Variants in DNAJB6 observed in about 807,000 individuals in gnomAD.
DNAJB6 encodes dnaJ homolog subfamily B member 6.
DNAJB6 carries 16 observed loss-of-function variants against 42.7 expected under a neutral mutation model. The observed-to-expected ratio is 0.37, with a 90% CI of 0.25 to 0.57. DNAJB6 has a LOEUF of 0.57. Among genes scored for constraint, DNAJB6 ranks in the 20% least tolerant of loss-of-function variants. The pLI is 0.74. For missense variants in DNAJB6, 347 were observed against 416.8 expected (o/e 0.83, Z 1.46); for synonymous variants, 170 against 163.5 (o/e 1.04, Z -0.30).
At chr7:157,413,604 G>T (rs1796032834) in intron 9 of DNAJB6, 1 of 152,202 alleles carries the variant, frequency 6.6e-6, no homozygotes, top group Non-Finnish European at 1.5e-5. Context: ...CCCAAGGCTG[G>T]CGGTCCCACG....
chr7:157,400,140 C>CT (rs1208464655), intron 8 of DNAJB6, among the ~76,000 whole-genome samples: 4 of 152,150 alleles, frequency 2.6e-5, no homozygotes, highest in Non-Finnish European at 5.9e-5. Flanking sequence ...TTGGTTTTGC[C>CT]TTTTTTCGGT....
At chr7:157,342,463 G>C (rs571626033) in intron 1 of DNAJB6, among the ~76,000 whole-genome samples, 1 of 144,634 alleles carries the variant, frequency 6.9e-6, no homozygotes. Flanking sequence ...TCAGCCTCCC[G>C]AGTACATGGG....
At chr7:157,408,391 C>T (rs369951614) in intron 8 of DNAJB6, among the ~76,000 whole-genome samples, 37 of 152,334 alleles carry the variant, frequency 2.4e-4, no homozygotes, top group African/African-American at 8.7e-4. Context: ...ATTCCAGAAA[C>T]GATGGAGCCC....
At chr7:157,390,704 G>T (rs1381783367) in intron 8 of DNAJB6, among the ~76,000 whole-genome samples, 1 of 152,178 alleles carries the variant, frequency 6.6e-6, no homozygotes, top group East Asian at 1.9e-4. Flanking sequence ...CTTTTCCTCT[G>T]CCTTCCCACA....
At chr7:157,341,369 C>A (rs1376250320) in intron 1 of DNAJB6, among the ~76,000 whole-genome samples, 1 of 152,108 alleles carries the variant, frequency 6.6e-6, no homozygotes. Context: ...CGTGATCCAC[C>A]CGCCTCGGCC....
chr7:157,367,534 G>T, intron 5 of DNAJB6, 51 bp downstream of exon 5: 2 of 1,094,106 alleles, frequency 1.8e-6, no homozygotes, highest in Non-Finnish European at 2.8e-6. Context: ...CCCAAATGAG[G>T]GCTTACTTAG....
At chr7:157,352,552 T>C (rs1308960432) in intron 1 of DNAJB6, among the ~76,000 whole-genome samples, 3 of 151,820 alleles carry the variant, frequency 2.0e-5, no homozygotes, top group Non-Finnish European at 4.4e-5. Context: ...CTGGTGAGGG[T>C]GTGGCATCTC....
chr7:157,375,435 C>T (rs1333794283), intron 5 of DNAJB6, among the ~76,000 whole-genome samples: 1 of 152,170 alleles, frequency 6.6e-6, no homozygotes, highest in Non-Finnish European at 1.5e-5. Flanking sequence ...ATTTTTGTAA[C>T]TTTTGGGAAA....
chr7:157,366,784 T>C (rs917681897), intron 4 of DNAJB6, among the ~76,000 whole-genome samples: 1 of 152,256 alleles, frequency 6.6e-6, no homozygotes, highest in Admixed American at 6.5e-5. Flanking sequence ...TAGAAACAAT[T>C]TGTAACCATA....
intron 1 of DNAJB6, among the ~76,000 whole-genome samples, chr7:157,356,905 G>A (rs528043098): frequency 2.6e-5 from 4 of 152,214 alleles, no homozygotes; most frequent in East Asian, 1.9e-4. Context: ...TTTGATGTTA[G>A]TCATTCTGTC....
intron 2 of DNAJB6, among the ~76,000 whole-genome samples, 159 bp from the exon 3 acceptor site, chr7:157,363,002 A>G (rs555884294): frequency 6.6e-6 from 1 of 152,224 alleles, no homozygotes; most frequent in African/African-American, 2.4e-5. Flanking sequence ...AACTTTGTGT[A>G]TTTCATTGTA....
chr7:157,415,378 C>T (rs984073911), intron 9 of DNAJB6: 1 of 152,352 alleles, frequency 6.6e-6, no homozygotes, highest in African/African-American at 2.4e-5. Context: ...AAATGAAAGA[C>T]TTTCCTCAAT....
chr7:157,362,372 T>TC (rs1382210934), intron 2 of DNAJB6, among the ~76,000 whole-genome samples: 9 of 152,104 alleles, frequency 5.9e-5, no homozygotes, highest in Admixed American at 5.9e-4. Flanking sequence ...GGCCTTTTTT[T>TC]CCCTTTTTAA....
intron 8 of DNAJB6, among the ~76,000 whole-genome samples, chr7:157,401,969 C>G (rs563991582): frequency 6.6e-6 from 1 of 152,170 alleles, no homozygotes; most frequent in African/African-American, 2.4e-5. Context: ...CCACAGGCTG[C>G]TTATCTTAGC....
intron 1 of DNAJB6, among the ~76,000 whole-genome samples, chr7:157,338,239 G>C (rs1240132397): frequency 6.6e-6 from 1 of 152,080 alleles, no homozygotes; most frequent in African/African-American, 2.4e-5. Context: ...TTGCGTATCA[G>C]AACGATTCAT....
At chr7:157,366,453 A>C in intron 3 of DNAJB6, 49 bp from the exon 4 acceptor site, 1 of 1,522,444 alleles carries the variant, frequency 6.6e-7, no homozygotes. Flanking sequence ...CTATTGAATT[A>C]AGGGTTTAAA....
intron 8 of DNAJB6, among the ~76,000 whole-genome samples, chr7:157,404,944 G>A (rs532860126): frequency 6.6e-6 from 1 of 152,356 alleles, no homozygotes; most frequent in Non-Finnish European, 1.5e-5. Context: ...AGCCTGTGCA[G>A]TGTTTTTAAA....
At chr7:157,398,887 C>T (rs932611848) in intron 8 of DNAJB6, among the ~76,000 whole-genome samples, 4 of 152,052 alleles carry the variant, frequency 2.6e-5, no homozygotes, top group Admixed American at 2.6e-4. Flanking sequence ...ATTGCCTTTT[C>T]CGTACAAATT....
chr7:157,410,092 G>A lies in DNAJB6; in HGVS notation c.898+91G>A, dbSNP rs560902446. ...CGAGGACACAAACCGCGCCTGGGCT[G>A]CTGTGTTCTGACCTGAGCGGGCGTG... On this transcript the variant is annotated intron_variant, in intron 9 of 9. Transcript: ENST00000262177. 3 of 1,455,650 alleles carry A rather than the reference G, an allele frequency of 2.1e-6. No homozygotes were observed. In the South Asian group the frequency reaches 4.2e-5, roughly 20 times the overall value. 90.2% of individuals were successfully genotyped at this position (1,455,650 alleles called of 1,614,324 possible). A position where few individuals can be genotyped will look rare whatever the true frequency, so the allele number is the denominator to read the frequency against.
Sources: gnomAD v4.1 joint callset for allele counts (sites outside exome capture counted in the v4.1 genomes callset) on GRCh38, gnomAD v4.1.1 for gene constraint, MANE v1.5 for transcripts, NCBI Gene and HGNC (gene_info 2026-07-23, HGNC 2026-07-21) for gene names.